HECTD4: variants seen among roughly 807,000 people sequenced by gnomAD.
The protein encoded by HECTD4 is HECT domain E3 ubiquitin protein ligase 4.
A neutral mutation model predicts 471.5 loss-of-function variants in HECTD4; 114 were observed. The ratio of observed to expected loss-of-function variants is 0.24; its 90% confidence interval spans 0.21 to 0.28. HECTD4 has a LOEUF of 0.28. Ranked by LOEUF, HECTD4 falls within the 10% of genes least tolerant of loss-of-function variation. The pLI is 1.00. For missense variants in HECTD4, 3,866 were observed against 5,651.5 expected, an observed-to-expected ratio of 0.68 and a Z score of 10.13; for synonymous variants, 2,012 against 2,256.0, an observed-to-expected ratio of 0.89 and a Z score of 3.07.
At chr12:112,286,027 T>C (rs2034746007) in intron 7 of HECTD4, among the ~76,000 whole-genome samples, 1 of 152,136 alleles carries the variant, frequency 6.6e-6, no homozygotes, top group African/African-American at 2.4e-5. Context: ...ATAGATACCT[T>C]AAAAACAAAC....
intron 18 of HECTD4, among the ~76,000 whole-genome samples, chr12:112,259,668 A>G (rs1593984855): frequency 6.6e-6 from 1 of 151,990 alleles, no homozygotes; most frequent in East Asian, 1.9e-4. Context: ...TACAGGTATG[A>G]ACTACTTAGG....
chr12:112,311,611 C>A (rs1336125208), intron 4 of HECTD4, among the ~76,000 whole-genome samples: 7 of 144,246 alleles, frequency 4.9e-5, no homozygotes, highest in East Asian at 3.9e-4. Flanking sequence ...CAGAGCGAGA[C>A]CCCATCTCAA....
chr12:112,268,289 T>A (rs145875893), intron 13 of HECTD4, among the ~76,000 whole-genome samples: 45 of 152,292 alleles, frequency 3.0e-4, no homozygotes, highest in African/African-American at 1.1e-3. Flanking sequence ...CAGATTTCAA[T>A]CATTGCCTTA....
intron 1 of HECTD4, among the ~76,000 whole-genome samples, chr12:112,327,628 C>A (rs1253012255): frequency 6.6e-6 from 1 of 152,128 alleles, no homozygotes; most frequent in Non-Finnish European, 1.5e-5. Context: ...CTTAGAACAT[C>A]TGAGTTTCCA....
rs756620355 is a variant in HECTD4, at chr12:112,235,525, G to A, written c.5704C>T (p.Leu1902=). The A allele has an allele frequency of 1.1e-5, 18 of 1,611,954 alleles. No individual in the cohort carries two copies. Among genetic ancestry groups the A allele is most frequent in the Non-Finnish European group, 1.5e-5 (18 of 1,178,782 alleles). Reference sequence around the variant, plus strand: ...TCACCTGGAACCACATAATCTGCCAGCTTTGCTAAGAGCAGGGAGGCGATC... The same window carrying A: ...TCACCTGGAACCACATAATCTGCCAACTTTGCTAAGAGCAGGGAGGCGATC... ...SKIASLLLAK[L]ADYVVPGCQT... is the part of the protein sequence containing the mutation. Residue 1902 remains leucine, a synonymous_variant, in exon 36 of 76, where the codon CTG becomes TTG. Transcript: ENST00000682272. This position sits in a 1 kb window ranked among gnomAD's most constrained non-coding sequence, Gnocchi z 5.0.
intron 1 of HECTD4, among the ~76,000 whole-genome samples, chr12:112,379,139 A>C (rs972999102): frequency 1.3e-5 from 2 of 152,254 alleles, no homozygotes; most frequent in African/African-American, 4.8e-5. Context: ...TTCTGTAGCC[A>C]GTTATGAAAT....
At chr12:112,284,612 T>C (rs1299625525) in intron 7 of HECTD4, among the ~76,000 whole-genome samples, 2 of 152,202 alleles carry the variant, frequency 1.3e-5, no homozygotes, top group African/African-American at 4.8e-5. Context: ...AAAATGCTGT[T>C]TCTATTTCCC....
chr12:112,267,022 T>C (rs935103558), intron 13 of HECTD4, 40 bp from the exon 14 acceptor site: 2 of 1,091,504 alleles, frequency 1.8e-6, no homozygotes, highest in Non-Finnish European at 2.7e-6. Flanking sequence ...AAGCAAATGT[T>C]CTAGAAAATC....
chr12:112,292,172 C>G (rs918164551), intron 7 of HECTD4, among the ~76,000 whole-genome samples: 1 of 152,168 alleles, frequency 6.6e-6, no homozygotes, highest in African/African-American at 2.4e-5. Context: ...TCTCATCACT[C>G]CACTTGAGAC....
intron 50 of HECTD4, 28 bp from the exon 51 acceptor site, chr12:112,208,658 T>A: frequency 1.3e-6 from 2 of 1,516,486 alleles, no homozygotes. Flanking sequence ...GACAGCGAAT[T>A]CTAAACAAGA....
intron 18 of HECTD4, among the ~76,000 whole-genome samples, chr12:112,260,537 AAC>A (rs941443887): frequency 2.0e-5 from 3 of 152,154 alleles, no homozygotes; most frequent in Admixed American, 1.3e-4. Context: ...ATTGTCAAAA[AAC>A]ACAGTATTCA....
In HECTD4 at chr12:112,172,679, C is replaced by T; in HGVS notation, c.11777G>A (p.Cys3926Tyr). 2 of 1,613,882 alleles carry T rather than the reference C, an allele frequency of 1.2e-6. No homozygotes were observed. The highest frequency in any genetic ancestry group is 1.7e-6 in the Non-Finnish European group (2 of 1,179,836). The change falls in exon 67 of 76, where the codon TGT (cysteine) becomes TAT (tyrosine). Residue 3926 changes from cysteine (C) to tyrosine (Y), a missense_variant. Physicochemically the swap from Cys to Tyr is radical, Grantham distance 194. Coordinates refer to ENST00000682272, the MANE Select transcript of HECTD4 (RefSeq NM_001388303.1). ...PADAADPRVA[C>Y]LLNVPIESLR... ...GGCCCAGGGCCACATACTCAGGAGA[C>T]AGGCCACTCTGGGGTCAGCAGCATC...
At chr12:112,224,147 G>A (rs530839583) in intron 44 of HECTD4, among the ~76,000 whole-genome samples, 3 of 152,088 alleles carry the variant, frequency 2.0e-5, no homozygotes, top group East Asian at 1.9e-4. Flanking sequence ...AAAGTAACCC[G>A]GAATGTAGGT....
At chr12:112,340,432 C>G (rs2036035158) in intron 1 of HECTD4, among the ~76,000 whole-genome samples, 1 of 152,182 alleles carries the variant, frequency 6.6e-6, no homozygotes, top group Non-Finnish European at 1.5e-5. Context: ...AGACTAAAGC[C>G]TAGACCAGGA....
At chr12:112,223,954 G>A in intron 44 of HECTD4, among the ~76,000 whole-genome samples, 1 of 152,104 alleles carries the variant, frequency 6.6e-6, no homozygotes, top group African/African-American at 2.4e-5. Flanking sequence ...ATACATTATT[G>A]CTTATAAATT....
chr12:112,269,761 A>G lies in HECTD4; in HGVS notation c.2264T>C (p.Met755Thr). The change falls in exon 13 of 76, where the codon ATG becomes ACG. Residue 755 changes from methionine to threonine, a missense_variant. Met to Thr is a moderately conservative substitution (Grantham distance 81, BLOSUM62 -1). Around this residue, in one of 16 missense-constraint regions of HECTD4, gnomAD observed 525 missense variants for 672.6 expected, o/e 0.78. Transcript: ENST00000682272. ...AGGGCAAATTTGATCTTTTGGAGCC[A>G]TCAACAACTGCCAAAGAAGCAATCC... ...RSGLLLWQLL[M>T]APKDQICPEI... 6.2e-7 allele frequency: 1 copy of G among 1,614,028 alleles called. No homozygotes were observed. The highest frequency in any genetic ancestry group is 8.5e-7 in the Non-Finnish European group (1 of 1,179,886).
At chr12:112,366,242 G>T (rs1447484523) in intron 1 of HECTD4, among the ~76,000 whole-genome samples, 1 of 152,122 alleles carries the variant, frequency 6.6e-6, no homozygotes, top group East Asian at 1.9e-4. Context: ...GAGCACAGTG[G>T]CTCACATCTA....
At position 112,323,494 on chromosome 12, in the gene HECTD4, T is replaced by C. The variant is rs576182558; in HGVS notation, c.178-3752A>G. On this transcript the variant is annotated intron_variant, in intron 1 of 75. Transcript: ENST00000682272. ...CACAACTTAGCAAAGAAAGAAACTA[T>C]TGATAAACACAACTACTTTAAGGAA... Among the ~76,000 whole-genome samples, 5 of 152,198 alleles carry C rather than the reference T, an allele frequency of 3.3e-5. No homozygotes were observed. In the South Asian group the frequency reaches 1.0e-3, roughly 32 times the overall value.
At chr12:112,288,610 T>C (rs1049228645) in intron 7 of HECTD4, among the ~76,000 whole-genome samples, 3 of 152,098 alleles carry the variant, frequency 2.0e-5, no homozygotes, top group African/African-American at 4.8e-5. Context: ...GCCTGGGCCA[T>C]AGAGCAACAC....
Sources: allele counts gnomAD v4.1 joint callset (sites outside exome capture counted in the v4.1 genomes callset), GRCh38; gene constraint gnomAD v4.1.1; regional missense constraint gnomAD v4.1.1; non-coding constraint Gnocchi (gnomAD v3.1); transcripts MANE v1.5; gene names NCBI Gene and HGNC (gene_info 2026-07-23, HGNC 2026-07-21).